Variants in RASGRF2 observed in about 807,000 individuals in gnomAD.
RASGRF2 encodes Ras protein specific guanine nucleotide releasing factor 2.
RASGRF2 carries 76 observed loss-of-function variants against 151.0 expected under a neutral mutation model. That is an observed-to-expected ratio of 0.50 (90% CI 0.42 to 0.61). The LOEUF (loss-of-function observed/expected upper bound fraction) is 0.61. RASGRF2 is among the 20% of genes least tolerant of loss of function. RASGRF2 has a pLI of 0.00. For missense variants in RASGRF2, 1,148 were observed against 1,564.6 expected (o/e 0.73, Z 4.49); for synonymous variants, 504 against 566.5 (o/e 0.89, Z 1.57).
At chr5:81,024,406 C>T (rs1561560882) in intron 1 of RASGRF2, among the ~76,000 whole-genome samples, 1 of 151,326 alleles carries the variant, frequency 6.6e-6, no homozygotes, top group African/African-American at 2.4e-5. Flanking sequence ...ATTACAGCCA[C>T]CCACCACCAC....
At chr5:81,047,855 G>C (rs893798070) in intron 2 of RASGRF2, among the ~76,000 whole-genome samples, 1 of 152,138 alleles carries the variant, frequency 6.6e-6, no homozygotes, top group Non-Finnish European at 1.5e-5. Flanking sequence ...GACAGCTGTT[G>C]TTCATTCTCT....
chr5:81,048,646 C>T (rs901513419), intron 2 of RASGRF2, among the ~76,000 whole-genome samples: 3 of 152,190 alleles, frequency 2.0e-5, no homozygotes, highest in African/African-American at 4.8e-5. Context: ...CGTCCTCATG[C>T]GCACACCATC....
chr5:81,029,022 G>T (rs543498028), intron 1 of RASGRF2, among the ~76,000 whole-genome samples: 1 of 152,348 alleles, frequency 6.6e-6, no homozygotes, highest in African/African-American at 2.4e-5. Context: ...GGCTCGGAGG[G>T]TCCCATGCCC....
In RASGRF2 at chr5:81,009,803, C is replaced by G. The variant is rs567905076; in HGVS notation, c.289-33074C>G. ...CTTAAGTTATCATGTGACCTGAAAA[C>G]TATGCTGGAATAGCATTGCATATGC... On this transcript the variant is annotated intron_variant, in intron 1 of 26. Transcript: ENST00000265080. Among the ~76,000 whole-genome samples, 4 of 152,260 alleles carry G rather than the reference C, an allele frequency of 2.6e-5. 1 individual carries two copies. Among genetic ancestry groups the G allele is most frequent in the African/African-American group, 7.2e-5 (3 of 41,544 alleles).
At chr5:81,153,606 G>A (rs940036968) in intron 17 of RASGRF2, among the ~76,000 whole-genome samples, 2 of 152,268 alleles carry the variant, frequency 1.3e-5, no homozygotes, top group Middle Eastern at 3.4e-3. Context: ...ATAAATATAT[G>A]TTGTTTTAAA....
At position 81,094,380 on chromosome 5, in the gene RASGRF2, A is replaced by G. The variant is rs769406184; in HGVS notation, c.1618+18A>G. On this transcript the variant is annotated intron_variant, in intron 11 of 26. Transcript: ENST00000265080. ...TGATGACTGTAAGTCACCTTCGATC[A>G]CTTAGGATTCTATTAGAATTAGAGG... 1 of 1,602,836 alleles carries G rather than the reference A, an allele frequency of 6.2e-7. No homozygotes were observed. Among genetic ancestry groups the G allele is most frequent in the Non-Finnish European group, 8.5e-7 (1 of 1,172,672 alleles).
At chr5:81,034,804 T>TGGGGGG (rs3991135) in intron 1 of RASGRF2, among the ~76,000 whole-genome samples, 10 of 89,298 alleles carry the variant, frequency 1.1e-4, no homozygotes, top group African/African-American at 2.8e-4. Flanking sequence ...TGTTGTGGGG[T>TGGGGGG]GGGAGGGGGG....
intron 1 of RASGRF2, among the ~76,000 whole-genome samples, chr5:80,988,433 G>A (rs1748546230): frequency 6.6e-6 from 1 of 152,132 alleles, no homozygotes; most frequent in East Asian, 1.9e-4. Context: ...AGAGTTCTTA[G>A]TACCATTCTA....
chr5:81,073,817 C>A (rs1464948591), intron 5 of RASGRF2, among the ~76,000 whole-genome samples: 1 of 152,080 alleles, frequency 6.6e-6, no homozygotes, highest in Non-Finnish European at 1.5e-5. Flanking sequence ...CGGGGTTTCA[C>A]CGTGTTAGAC....
chr5:80,988,403 A>G (rs1280226242), intron 1 of RASGRF2, among the ~76,000 whole-genome samples: 1 of 152,030 alleles, frequency 6.6e-6, no homozygotes, highest in Non-Finnish European at 1.5e-5. Context: ...ACCATGTCTT[A>G]TTTTTCTTAT....
rs1230600433 is a variant in RASGRF2, at chr5:81,085,794, G to A, written c.1162-8G>A. ...GTCTTGCTCATACTGGCCTCTGTTT[G>A]CATCTAGATCCCCAGATATATCATC... On this transcript the variant is annotated splice_region_variant and splice_polypyrimidine_tract_variant and intron_variant, in intron 7 of 26. Transcript: ENST00000265080. 1 of 1,613,758 alleles carries A rather than the reference G, an allele frequency of 6.2e-7. No individual in the cohort carries two copies. The highest frequency in any genetic ancestry group is 1.3e-5 in the African/African-American group (1 of 74,882).
intron 7 of RASGRF2, 61 bp downstream of exon 7, chr5:81,080,850 A>T: frequency 7.0e-7 from 1 of 1,419,946 alleles, no homozygotes; most frequent in South Asian, 1.3e-5. Context: ...ACTGATACCT[A>T]GCGTGACCAG....
intron 18 of RASGRF2, among the ~76,000 whole-genome samples, chr5:81,183,494 T>A (rs139491710): frequency 1.0e-3 from 157 of 152,260 alleles, no homozygotes; most frequent in Non-Finnish European, 1.7e-3. Context: ...GCCTTCTAGT[T>A]TTTTCTTTAG....
chr5:81,188,292 A>G (rs1406256435), intron 18 of RASGRF2, among the ~76,000 whole-genome samples: 1 of 152,226 alleles, frequency 6.6e-6, no homozygotes, highest in Non-Finnish European at 1.5e-5. Context: ...TAGGAGAAAG[A>G]TGCCTCTCTG....
chr5:81,070,382 G>T, intron 3 of RASGRF2, 110 bp from the exon 4 acceptor site: 1 of 814,532 alleles, frequency 1.2e-6, no homozygotes, highest in Non-Finnish European at 2.1e-6. Context: ...ATAAAAAGTG[G>T]GTGTTTCCTG....
At position 80,960,731 on chromosome 5, in the gene RASGRF2, C is replaced by T. The variant is rs1747517199; in HGVS notation, c.-8C>T. 3 of 1,557,812 alleles carry T rather than the reference C, an allele frequency of 1.9e-6. No homozygotes were observed. Among genetic ancestry groups the T allele is most frequent in the South Asian group, 1.2e-5 (1 of 83,928 alleles). ...GGCGGCCACCCGTGAGCCCTCCGCA[C>T]CCGCACCATGCAGAAGAGCGTGCGC... On this transcript the variant is annotated 5_prime_UTR_variant, in exon 1 of 27. Coordinates refer to ENST00000265080, the MANE Select transcript of RASGRF2 (RefSeq NM_006909.3). The surrounding 1 kb of genome is among the most constrained non-coding windows in gnomAD (Gnocchi z 5.5).
intron 12 of RASGRF2, among the ~76,000 whole-genome samples, chr5:81,098,347 G>A (rs1054839642): frequency 6.6e-6 from 1 of 152,148 alleles, no homozygotes; most frequent in East Asian, 1.9e-4. Context: ...TAAGCAGTGG[G>A]ATATAGAAGT....
At chr5:81,063,687 G>A (rs1166897766) in intron 2 of RASGRF2, among the ~76,000 whole-genome samples, 1 of 151,338 alleles carries the variant, frequency 6.6e-6, no homozygotes, top group Non-Finnish European at 1.5e-5. Context: ...TTATATTTTT[G>A]TTTAGTGTTC....
chr5:81,072,286 TA>T (rs1263873559), intron 4 of RASGRF2, among the ~76,000 whole-genome samples: 1 of 152,212 alleles, frequency 6.6e-6, no homozygotes, highest in East Asian at 1.9e-4. Context: ...GGTTAATTTT[TA>T]TTGAGGTAGA....
Sources: gnomAD v4.1 joint callset for allele counts (sites outside exome capture counted in the v4.1 genomes callset) on GRCh38, gnomAD v4.1.1 for gene constraint, Gnocchi (gnomAD v3.1) non-coding constraint, MANE v1.5 for transcripts, NCBI Gene and HGNC (gene_info 2026-07-23, HGNC 2026-07-21) for gene names.